Variants in ARHGEF28 observed in about 807,000 individuals in gnomAD.
The protein encoded by ARHGEF28 is Rho guanine nucleotide exchange factor 28.
A neutral mutation model predicts 206.6 loss-of-function variants in ARHGEF28; 152 were observed. The observed-to-expected ratio is 0.74, with a 90% CI of 0.64 to 0.84. ARHGEF28 has a LOEUF of 0.84. Ranked by LOEUF, ARHGEF28 falls within the 40% of genes least tolerant of loss-of-function variation. ARHGEF28 has a pLI of 0.00. For synonymous variants in ARHGEF28, 763 were observed against 776.4 expected (o/e 0.98, Z 0.29); for missense variants, 2,028 against 2,073.2 (o/e 0.98, Z 0.42).
chr5:73,865,285 G>A (rs991894696), intron 17 of ARHGEF28, among the ~76,000 whole-genome samples: 2 of 152,324 alleles, frequency 1.3e-5, no homozygotes, highest in East Asian at 3.9e-4. Context: ...GCCTGAGAAT[G>A]TGCATTTCTA....
intron 2 of ARHGEF28, among the ~76,000 whole-genome samples, chr5:73,745,122 A>G (rs1478158067): frequency 1.3e-5 from 2 of 152,048 alleles, no homozygotes; most frequent in South Asian, 2.1e-4. Flanking sequence ...GTCATGCCAT[A>G]TATTTAAGAA....
chr5:73,669,009 C>A (rs893685694), intron 1 of ARHGEF28, among the ~76,000 whole-genome samples: 2 of 152,064 alleles, frequency 1.3e-5, no homozygotes, highest in Admixed American at 6.6e-5. Context: ...TAAACTAAAC[C>A]CATGATCTCC....
At chr5:73,862,819 G>A (rs1339353371) in intron 16 of ARHGEF28, among the ~76,000 whole-genome samples, 3 of 150,318 alleles carry the variant, frequency 2.0e-5, no homozygotes, top group African/African-American at 4.9e-5. Flanking sequence ...TTTAGATGTG[G>A]TTCTTTGTTT....
chr5:73,758,861 C>T (rs976723883), intron 4 of ARHGEF28, among the ~76,000 whole-genome samples: 1 of 152,196 alleles, frequency 6.6e-6, no homozygotes, highest in Non-Finnish European at 1.5e-5. Context: ...ATTGAATCTG[C>T]AGGGCAAAAA....
intron 35 of ARHGEF28, among the ~76,000 whole-genome samples, chr5:73,938,438 G>A (rs951161398): frequency 1.3e-5 from 2 of 152,092 alleles, no homozygotes; most frequent in African/African-American, 4.8e-5. Context: ...AGGGCTTCCA[G>A]TGTGTCCGGC....
At chr5:73,846,540 A>G (rs972971485) in intron 12 of ARHGEF28, 65 bp downstream of exon 12, 7 of 1,462,768 alleles carry the variant, frequency 4.8e-6, no homozygotes, top group East Asian at 4.5e-5. Context: ...GCATTTACCC[A>G]TCTGTATCTG....
intron 9 of ARHGEF28, chr5:73,803,308 T>C (rs1755249850): frequency 6.2e-6 from 1 of 161,662 alleles, no homozygotes; most frequent in South Asian, 2.1e-4. Context: ...CTGGGGTTTT[T>C]CGATGGTTTC....
chr5:73,765,862 C>T (rs559059262), intron 4 of ARHGEF28, among the ~76,000 whole-genome samples: 20 of 152,138 alleles, frequency 1.3e-4, no homozygotes, highest in African/African-American at 3.4e-4. Flanking sequence ...CTTCTAAAAA[C>T]GTATTGTGGG....
rs375716224 is a variant in ARHGEF28, at chr5:73,868,052, G to A, written c.2297+32G>A. The A allele has an allele frequency of 1.9e-6, 3 of 1,613,204 alleles. No homozygotes were observed. In the African/African-American group the frequency reaches 4.0e-5, roughly 22 times the overall value. On this transcript the variant is annotated intron_variant, in intron 19 of 35. Coordinates refer to ENST00000513042, the MANE Select transcript of ARHGEF28 (RefSeq NM_001177693.2). ...CTGAGTGTGTTTTTACATATTAATG[G>A]CTCAGAGAGCTTCTGGGGCTAACTT...
chr5:73,710,460 G>A (rs1432100928), intron 2 of ARHGEF28, among the ~76,000 whole-genome samples: 1 of 152,036 alleles, frequency 6.6e-6, no homozygotes. Flanking sequence ...TCAGATATGT[G>A]ATTTAAAATA....
At chr5:73,835,975 G>T (rs575622992) in intron 10 of ARHGEF28, among the ~76,000 whole-genome samples, 35 of 152,158 alleles carry the variant, frequency 2.3e-4, no homozygotes, top group South Asian at 4.2e-4. Context: ...TTGAGTAAGA[G>T]AATAGAAAAA....
intron 4 of ARHGEF28, among the ~76,000 whole-genome samples, chr5:73,754,461 G>A (rs1223483568): frequency 6.6e-6 from 1 of 152,104 alleles, no homozygotes; most frequent in Non-Finnish European, 1.5e-5. Flanking sequence ...CTCCCTGAGG[G>A]TGTGGGTGGT....
intron 7 of ARHGEF28, among the ~76,000 whole-genome samples, chr5:73,785,030 T>C (rs184970232): frequency 1.8e-3 from 279 of 152,290 alleles, no homozygotes; most frequent in Admixed American, 2.9e-3. Flanking sequence ...AGGAGTGAGA[T>C]ATCATGAGAT....
chr5:73,715,256 T>C (rs72770829), intron 2 of ARHGEF28, among the ~76,000 whole-genome samples: 35,584 of 152,144 alleles, frequency 0.23, 4,552 homozygotes, highest in African/African-American at 0.31. Flanking sequence ...GGAGTCTGGC[T>C]CTGGTGCTGT....
At chr5:73,933,093 A>G (rs1005513632) in intron 35 of ARHGEF28, among the ~76,000 whole-genome samples, 2 of 152,054 alleles carry the variant, frequency 1.3e-5, no homozygotes, top group Non-Finnish European at 2.9e-5. Context: ...TACAGGCGTG[A>G]GCCACCGTGC....
At chr5:73,871,363 G>C (rs903900424) in intron 21 of ARHGEF28, among the ~76,000 whole-genome samples, 20 of 152,194 alleles carry the variant, frequency 1.3e-4, no homozygotes, top group African/African-American at 4.8e-4. Context: ...TTAGCATAGA[G>C]TAGGCACTAA....
At chr5:73,849,188 T>A in intron 13 of ARHGEF28, 101 bp downstream of exon 13, 1 of 865,756 alleles carries the variant, frequency 1.2e-6, no homozygotes, top group Non-Finnish European at 1.7e-6. Flanking sequence ...CAGACAAGAA[T>A]TTTCCATTCT....
intron 4 of ARHGEF28, among the ~76,000 whole-genome samples, chr5:73,770,068 T>C (rs1225102556): frequency 1.3e-5 from 2 of 152,252 alleles, no homozygotes; most frequent in African/African-American, 2.4e-5. Flanking sequence ...GATATGGTAA[T>C]GGTTCTAAAT....
At chr5:73,669,096 G>A (rs1194352166) in intron 1 of ARHGEF28, among the ~76,000 whole-genome samples, 1 of 152,056 alleles carries the variant, frequency 6.6e-6, no homozygotes, top group African/African-American at 2.4e-5. Context: ...TTGTTCATTA[G>A]CTATATTCTG....
Sources: allele counts gnomAD v4.1 joint callset (sites outside exome capture counted in the v4.1 genomes callset), GRCh38; gene constraint gnomAD v4.1.1; transcripts MANE v1.5; gene names NCBI Gene and HGNC (gene_info 2026-07-23, HGNC 2026-07-21).